Variants in PDPR observed in about 807,000 individuals in gnomAD.
PDPR encodes pyruvate dehydrogenase phosphatase regulatory subunit.
Under a neutral mutation model 102.2 loss-of-function variants are expected in PDPR, and 50 were observed. The ratio of observed to expected loss-of-function variants is 0.49; its 90% CI spans 0.39 to 0.62. PDPR has a LOEUF of 0.62. Ranked by LOEUF, PDPR falls within the 20% of genes least tolerant of loss-of-function variation. The pLI, the probability that PDPR is intolerant of heterozygous loss-of-function variation, is 0.00. For synonymous variants in PDPR, 259 were observed against 406.0 expected, an observed-to-expected ratio of 0.64 and a Z score of 4.35; for missense variants, 625 against 1,098.2, an observed-to-expected ratio of 0.57 and a Z score of 6.09.
intron 2 of PDPR, among the ~76,000 whole-genome samples, chr16:70,115,416 T>C (rs2549292): frequency 7.9e-5 from 12 of 152,292 alleles, no homozygotes; most frequent in Middle Eastern, 3.4e-3. Context: ...GCCACTGCGC[T>C]CGGCCAACTT....
chr16:70,162,574 T>A (rs1368626369), downstream of PDPR: 2 of 152,502 alleles, frequency 1.3e-5, no homozygotes, highest in Non-Finnish European at 2.9e-5. Context: ...TGTAGTGACT[T>A]AAATGTGTTT....
rs1166532820 is a variant in PDPR at position 70,161,651 on chromosome 16, G to T, written c.*4772G>T. ...TAAGGCTCCTCCATTGTCAGTACAGGGCTCGCCTTTGTAGCCCTGATCACT... is the reference window on the plus strand; with the variant it reads ...TAAGGCTCCTCCATTGTCAGTACAGTGCTCGCCTTTGTAGCCCTGATCACT... On this transcript the variant is annotated 3_prime_UTR_variant, in exon 19 of 19. Coordinates refer to ENST00000288050, the MANE Select transcript of PDPR (RefSeq NM_017990.5). 1 of 152,670 alleles carries T rather than the reference G, an allele frequency of 6.6e-6. No homozygotes were observed. Among genetic ancestry groups the T allele is most frequent in the Non-Finnish European group, 1.5e-5 (1 of 68,288 alleles). The allele number at this position is 152,670 out of a possible 1,614,324, so 9.5% of individuals were successfully genotyped here. A position where few individuals can be genotyped will look rare whatever the true frequency, so the allele number is the denominator to read the frequency against.
At chr16:70,126,022 T>C (rs1313221549) in intron 3 of PDPR, among the ~76,000 whole-genome samples, 1 of 152,282 alleles carries the variant, frequency 6.6e-6, no homozygotes, top group Non-Finnish European at 1.5e-5. Context: ...AATTATGTGT[T>C]GGTAGGTTTG....
intron 15 of PDPR, among the ~76,000 whole-genome samples, chr16:70,145,371 C>T (rs534011940): frequency 3.5e-4 from 54 of 152,338 alleles, no homozygotes; most frequent in South Asian, 2.1e-4. Context: ...CTCTTGACCT[C>T]GTGATCCACC....
chr16:70,141,804 T>A (rs564840606), intron 11 of PDPR, among the ~76,000 whole-genome samples: 9 of 152,386 alleles, frequency 5.9e-5, no homozygotes, highest in East Asian at 1.9e-4. Context: ...TAGACTACAT[T>A]AGCCTGGAAA....
At chr16:70,155,380 C>G (rs1167593872) in intron 18 of PDPR, among the ~76,000 whole-genome samples, 1 of 152,204 alleles carries the variant, frequency 6.6e-6, no homozygotes, top group Admixed American at 6.5e-5. Context: ...CTCCTGGCTT[C>G]AAGCGATTCT....
chr16:70,145,289 C>T (rs1249791335), intron 15 of PDPR, among the ~76,000 whole-genome samples: 2 of 152,252 alleles, frequency 1.3e-5, no homozygotes, highest in South Asian at 4.1e-4. Context: ...AGGCGCCCGC[C>T]ACCACGCCGG....
intron 9 of PDPR, among the ~76,000 whole-genome samples, chr16:70,134,801 AATAAT>A (rs1964940933): frequency 2.0e-5 from 2 of 98,198 alleles, no homozygotes; most frequent in African/African-American, 3.4e-5. Flanking sequence ...AAAAAAAAAT[AATAAT>A]AATAATATAG....
chr16:70,116,732 G>C (rs1232372743), intron 2 of PDPR, among the ~76,000 whole-genome samples: 2 of 152,006 alleles, frequency 1.3e-5, no homozygotes, highest in Admixed American at 6.6e-5. Flanking sequence ...GGTAGAGACG[G>C]GGTTTCACCA....
Position 70,158,290 on chromosome 16 carries a change from T to A in PDPR, c.*1411T>A, listed in dbSNP as rs1967443594. On this transcript the variant is annotated 3_prime_UTR_variant, in exon 19 of 19. Coordinates refer to ENST00000288050, the MANE Select transcript of PDPR (RefSeq NM_017990.5). ...TCAACTGCCCTAATCTGACTTTTTT[T>A]AAGTGCAAATAAACTGCTATAAGAC... The A allele has an allele frequency of 6.6e-6, 1 of 152,452 alleles. No homozygotes were observed. The allele number at this position is 152,452 out of a possible 1,614,324, so 9.4% of individuals were successfully genotyped here.
chr16:70,154,911 T>A (rs1966950726), intron 18 of PDPR, among the ~76,000 whole-genome samples: 1 of 152,210 alleles, frequency 6.6e-6, no homozygotes, highest in Non-Finnish European at 1.5e-5. Flanking sequence ...AGTGCTGGGA[T>A]TACAGGCGTG....
At chr16:70,130,119 C>T (rs1376585826) in intron 6 of PDPR, among the ~76,000 whole-genome samples, 1 of 152,226 alleles carries the variant, frequency 6.6e-6, no homozygotes, top group Non-Finnish European at 1.5e-5. Context: ...ATGGTAAAAC[C>T]CCATCTCTAT....
chr16:70,155,097 C>G (rs1319429043), intron 18 of PDPR, among the ~76,000 whole-genome samples: 2 of 152,064 alleles, frequency 1.3e-5, no homozygotes, highest in Non-Finnish European at 2.9e-5. Flanking sequence ...TAGGCTGAGG[C>G]AGGAGAATTG....
chr16:70,118,434 T>A (rs1463845119), intron 2 of PDPR, among the ~76,000 whole-genome samples: 1 of 152,232 alleles, frequency 6.6e-6, no homozygotes, highest in Non-Finnish European at 1.5e-5. Context: ...GCTTAACATG[T>A]GCTAGCCTAA....
Position 70,136,201 on chromosome 16 carries a change from G to A in PDPR, c.1005G>A (p.Leu335=). Residue 335 remains leucine (L), a synonymous_variant, in exon 10 of 19, where the codon CTG becomes CTA. Transcript: ENST00000288050. The part of the protein sequence containing the change: ...LQEDWDHFEP[L]LSSLLRRMPE... ...TTTGTTGTCATTGCTCAGAGCCTCT[G>A]TTGAGTTCCCTTCTGAGGAGGATGC... 1.3e-6 allele frequency: 2 copies of A among 1,580,586 alleles called. No homozygotes were observed. The highest frequency in any genetic ancestry group is 1.7e-6 in the Non-Finnish European group (2 of 1,153,646).
At chr16:70,154,405 A>G (rs1435668817) in intron 18 of PDPR, among the ~76,000 whole-genome samples, 2 of 152,402 alleles carry the variant, frequency 1.3e-5, no homozygotes, top group East Asian at 3.9e-4. Context: ...GCACTTTGGG[A>G]GGCCAAGGCA....
chr16:70,123,350 C>A (rs1487527459), intron 3 of PDPR, among the ~76,000 whole-genome samples: 53 of 152,324 alleles, frequency 3.5e-4, no homozygotes, highest in African/African-American at 1.1e-3. Context: ...GATCCTCCCA[C>A]CACAGCCTCC....
chr16:70,137,536 C>A (rs1965275018), intron 10 of PDPR, among the ~76,000 whole-genome samples: 1 of 152,230 alleles, frequency 6.6e-6, no homozygotes, highest in South Asian at 2.1e-4. Context: ...CTTGAATGAG[C>A]ACAGAGTTCC....
At chr16:70,143,863 AC>A (rs144775794) in intron 14 of PDPR, among the ~76,000 whole-genome samples, 6,744 of 150,650 alleles carry the variant, frequency 0.045, 155 homozygotes, top group African/African-American at 0.16. Flanking sequence ...CAGATTATGT[AC>A]CCTACTGGGA....
Sources: allele counts gnomAD v4.1 joint callset (sites outside exome capture counted in the v4.1 genomes callset), GRCh38; gene constraint gnomAD v4.1.1; transcripts MANE v1.5; gene names NCBI Gene and HGNC (gene_info 2026-07-23, HGNC 2026-07-21).